Variants in TAFA1 observed in about 807,000 individuals in gnomAD.
TAFA1 encodes the protein TAFA chemokine like family member 1.
A neutral mutation model predicts 18.5 loss-of-function variants in TAFA1; 4 were observed. The ratio of observed to expected loss-of-function variants is 0.22; its 90% CI spans 0.11 to 0.49. The LOEUF is 0.49. Among genes scored for constraint, TAFA1 ranks in the 20% least tolerant of loss-of-function variants. TAFA1 has a pLI of 0.98. For missense variants in TAFA1, 147 were observed against 169.0 expected (o/e 0.87, Z 0.72); for synonymous variants, 56 against 55.2 (o/e 1.01, Z -0.06).
intron 2 of TAFA1, among the ~76,000 whole-genome samples, chr3:68,305,142 G>C (rs771991518): frequency 4.0e-5 from 6 of 151,588 alleles, no homozygotes; most frequent in Non-Finnish European, 8.8e-5. Flanking sequence ...TCTCTTTCTA[G>C]CTTCACCAAT....
intron 2 of TAFA1, among the ~76,000 whole-genome samples, chr3:68,119,544 A>G (rs1299493073): frequency 3.3e-5 from 5 of 150,178 alleles, no homozygotes; most frequent in Non-Finnish European, 5.9e-5. Context: ...TAATTTTTGT[A>G]TATGGTATAT....
chr3:68,316,383 A>T (rs188534405), intron 2 of TAFA1, among the ~76,000 whole-genome samples: 8 of 152,318 alleles, frequency 5.3e-5, no homozygotes, highest in Non-Finnish European at 8.8e-5. Flanking sequence ...CAGGTAAAAA[A>T]AGGAAATAGA....
intron 2 of TAFA1, among the ~76,000 whole-genome samples, chr3:68,166,843 G>A (rs1312984132): frequency 2.0e-5 from 3 of 151,998 alleles, no homozygotes; most frequent in Admixed American, 6.5e-5. Context: ...CCCCTTATAC[G>A]CTTGTATAAG....
intron 2 of TAFA1, among the ~76,000 whole-genome samples, chr3:68,350,589 C>T (rs993115204): frequency 6.6e-6 from 1 of 152,126 alleles, no homozygotes; most frequent in African/African-American, 2.4e-5. Flanking sequence ...TGCAGAATTG[C>T]TCCTATAAAA....
At chr3:68,329,821 TAG>T (rs2068834324) in intron 2 of TAFA1, among the ~76,000 whole-genome samples, 1 of 152,196 alleles carries the variant, frequency 6.6e-6, no homozygotes, top group African/African-American at 2.4e-5. Flanking sequence ...TGCTGAGAGA[TAG>T]AGAAATGGGA....
chr3:68,195,172 G>A (rs555684033), intron 2 of TAFA1, among the ~76,000 whole-genome samples: 1 of 151,062 alleles, frequency 6.6e-6, no homozygotes, highest in South Asian at 2.1e-4. Flanking sequence ...CTAATTTGGG[G>A]TTTGCCTTGT....
At chr3:68,392,032 G>A (rs1325308974) in intron 2 of TAFA1, among the ~76,000 whole-genome samples, 2 of 152,056 alleles carry the variant, frequency 1.3e-5, no homozygotes, top group African/African-American at 4.8e-5. Context: ...ATGTAAATGG[G>A]TTAAATGCCC....
At chr3:68,070,810 A>G (rs1575600653) in intron 2 of TAFA1, among the ~76,000 whole-genome samples, 1 of 152,222 alleles carries the variant, frequency 6.6e-6, no homozygotes, top group African/African-American at 2.4e-5. Flanking sequence ...GCAAAATGCC[A>G]CCAGTCTCTT....
At chr3:68,181,030 G>A (rs533537442) in intron 2 of TAFA1, among the ~76,000 whole-genome samples, 10 of 152,168 alleles carry the variant, frequency 6.6e-5, no homozygotes, top group South Asian at 2.1e-4. Context: ...CACAAAGTAC[G>A]GACGAGAAGG....
chr3:68,198,248 T>A (rs1196994231), intron 2 of TAFA1, among the ~76,000 whole-genome samples: 3 of 151,686 alleles, frequency 2.0e-5, no homozygotes, highest in African/African-American at 7.2e-5. Context: ...ATTGTCTGGG[T>A]GTATCTCAGT....
chr3:68,024,834 A>ACACACAC (rs33967574), intron 2 of TAFA1, among the ~76,000 whole-genome samples: 50,719 of 139,230 alleles, frequency 0.36, 8,744 homozygotes, highest in South Asian at 0.42. Flanking sequence ...CACACACACA[A>ACACACAC]TTATACATTG....
chr3:68,519,317 T>C (rs1436464321), intron 3 of TAFA1, among the ~76,000 whole-genome samples: 5 of 152,212 alleles, frequency 3.3e-5, no homozygotes, highest in African/African-American at 1.2e-4. Flanking sequence ...AGGCAGGCCC[T>C]CACAAGACAA....
At chr3:68,373,223 T>C (rs777519722) in intron 2 of TAFA1, among the ~76,000 whole-genome samples, 4 of 152,200 alleles carry the variant, frequency 2.6e-5, no homozygotes, top group Non-Finnish European at 5.9e-5. Flanking sequence ...CTAATAATGG[T>C]ACCTACTATA....
chr3:68,028,594 G>A (rs766419532), intron 2 of TAFA1, among the ~76,000 whole-genome samples: 2 of 152,002 alleles, frequency 1.3e-5, no homozygotes, highest in Non-Finnish European at 2.9e-5. Flanking sequence ...AGGCTCTAGA[G>A]AAAAATCCCT....
At chr3:68,372,960 C>G (rs2069740507) in intron 2 of TAFA1, among the ~76,000 whole-genome samples, 1 of 152,112 alleles carries the variant, frequency 6.6e-6, no homozygotes. Context: ...CCTGTTCAGA[C>G]AGGAACATGT....
At chr3:68,230,324 T>G (rs1024186641) in intron 2 of TAFA1, among the ~76,000 whole-genome samples, 7 of 151,902 alleles carry the variant, frequency 4.6e-5, no homozygotes, top group Non-Finnish European at 8.8e-5. Flanking sequence ...TATATCTCCA[T>G]GAGATCAATT....
chr3:68,087,554 C>G (rs557152491), intron 2 of TAFA1, among the ~76,000 whole-genome samples: 3 of 138,448 alleles, frequency 2.2e-5, no homozygotes, highest in Non-Finnish European at 4.7e-5. Context: ...TTCCCTCCCT[C>G]CTTCCCTCCC....
At chr3:68,539,309 C>T (rs994713502) in intron 4 of TAFA1, among the ~76,000 whole-genome samples, 3 of 152,056 alleles carry the variant, frequency 2.0e-5, no homozygotes, top group Admixed American at 6.6e-5. Context: ...TGTGATGATC[C>T]GTCAGAGAAC....
chr3:68,008,416 A>G (rs1704406681), intron 2 of TAFA1, among the ~76,000 whole-genome samples: 1 of 152,234 alleles, frequency 6.6e-6, no homozygotes, highest in Non-Finnish European at 1.5e-5. Context: ...ATTCATAATA[A>G]AAACAACTAC....
Sources: allele counts gnomAD v4.1 joint callset (sites outside exome capture counted in the v4.1 genomes callset), GRCh38; gene constraint gnomAD v4.1.1; transcripts MANE v1.5; gene names NCBI Gene and HGNC (gene_info 2026-07-23, HGNC 2026-07-21).